ST8SIA6: variants seen among roughly 807,000 people sequenced by gnomAD.
ST8SIA6 encodes the protein alpha-2,8-sialyltransferase 8F.
In ST8SIA6, 39 loss-of-function variants were observed where a neutral mutation model predicts 33.6. That is an observed-to-expected ratio of 1.16 (90% CI 0.90 to 1.52). The LOEUF (loss-of-function observed/expected upper bound fraction) is 1.52, where lower values mean the gene tolerates loss of function less well. ST8SIA6 is among the 40% of genes most tolerant of loss of function. The probability of loss-of-function intolerance (pLI) is 0.00; values close to 1 mark genes in which losing one functional copy is unlikely to be tolerated. For synonymous variants in ST8SIA6, 172 were observed against 167.2 expected, an observed-to-expected ratio of 1.03 and a Z score of -0.22; for missense variants, 441 against 443.8, an observed-to-expected ratio of 0.99 and a Z score of 0.06.
At chr10:17,437,394 A>G (rs1426814659) in intron 2 of ST8SIA6, among the ~76,000 whole-genome samples, 1 of 152,076 alleles carries the variant, frequency 6.6e-6, no homozygotes, top group Non-Finnish European at 1.5e-5. Context: ...CTAGTCATGA[A>G]CTCCTGGCCT....
chr10:17,376,595 C>A (rs1588858174), intron 3 of ST8SIA6, among the ~76,000 whole-genome samples: 1 of 152,122 alleles, frequency 6.6e-6, no homozygotes, highest in South Asian at 2.1e-4. Context: ...AAAATCATTT[C>A]ATTTATCTGA....
rs993690776 is a variant in ST8SIA6 at position 17,319,386 on chromosome 10, C to G, written c.*1492G>C. 6.6e-6 allele frequency among the ~76,000 whole-genome samples: 1 copy of G among 152,236 alleles called. No homozygotes were observed. Among genetic ancestry groups the G allele is most frequent in the South Asian group, 2.1e-4 (1 of 4,816 alleles). ...TGTCTGTTTAGCCAAAGATTTTTGGCTAACGTGAATCTAGGTAGGATTGTT... is the reference window on the plus strand; with the variant it reads ...TGTCTGTTTAGCCAAAGATTTTTGGGTAACGTGAATCTAGGTAGGATTGTT... On this transcript the variant is annotated 3_prime_UTR_variant, in exon 8 of 8. Transcript: ENST00000377602.
At chr10:17,355,605 T>G (rs1283997628) in intron 4 of ST8SIA6, among the ~76,000 whole-genome samples, 1 of 152,194 alleles carries the variant, frequency 6.6e-6, no homozygotes, top group African/African-American at 2.4e-5. Context: ...CCCTACCTGC[T>G]CTGATTTTTC....
chr10:17,340,719 A>G (rs571587574), intron 4 of ST8SIA6, among the ~76,000 whole-genome samples: 3 of 152,350 alleles, frequency 2.0e-5, no homozygotes, highest in African/African-American at 7.2e-5. Flanking sequence ...AATGGGGGAA[A>G]TTAAAATGTT....
intron 4 of ST8SIA6, among the ~76,000 whole-genome samples, chr10:17,338,326 C>A (rs1021494031): frequency 1.3e-5 from 2 of 152,184 alleles, no homozygotes; most frequent in African/African-American, 4.8e-5. Flanking sequence ...AGCCACCGTG[C>A]CCGGCTGTTA....
chr10:17,347,087 C>T (rs1319991708), intron 4 of ST8SIA6, among the ~76,000 whole-genome samples: 4 of 152,266 alleles, frequency 2.6e-5, no homozygotes, highest in African/African-American at 2.4e-5. Context: ...ACATTATCAA[C>T]GGAAAGCGCC....
intron 2 of ST8SIA6, among the ~76,000 whole-genome samples, chr10:17,438,709 A>C (rs1237095053): frequency 6.6e-6 from 1 of 152,238 alleles, no homozygotes; most frequent in Non-Finnish European, 1.5e-5. Context: ...TGACTATTTA[A>C]GTAAAGACAC....
intron 3 of ST8SIA6, among the ~76,000 whole-genome samples, chr10:17,385,493 TA>T (rs1397291870): frequency 1.3e-5 from 2 of 151,066 alleles, no homozygotes; most frequent in Admixed American, 6.6e-5. Flanking sequence ...CAAAGGGAGA[TA>T]GGGGTGGGGG....
intron 3 of ST8SIA6, among the ~76,000 whole-genome samples, chr10:17,371,021 G>C (rs1003626762): frequency 3.9e-5 from 6 of 152,178 alleles, no homozygotes; most frequent in Admixed American, 2.0e-4. Flanking sequence ...AACCAAAGTA[G>C]GATTGGTGGG....
intron 6 of ST8SIA6, among the ~76,000 whole-genome samples, chr10:17,325,634 T>C (rs943121429): frequency 6.6e-6 from 1 of 152,026 alleles, no homozygotes; most frequent in African/African-American, 2.4e-5. Flanking sequence ...GTTTGTTTTC[T>C]GAACTGTCAA....
chr10:17,437,835 ATTC>A (rs1282241266), intron 2 of ST8SIA6, among the ~76,000 whole-genome samples: 1 of 151,396 alleles, frequency 6.6e-6, no homozygotes, highest in African/African-American at 2.4e-5. Context: ...GGTTCAGGCG[ATTC>A]TTCTGCCTCA....
chr10:17,414,844 T>A (rs139315122), intron 2 of ST8SIA6, among the ~76,000 whole-genome samples: 1 of 152,188 alleles, frequency 6.6e-6, no homozygotes, highest in African/African-American at 2.4e-5. Context: ...AACATGAATT[T>A]TGGGGAGACA....
intron 2 of ST8SIA6, among the ~76,000 whole-genome samples, chr10:17,442,620 T>C (rs1307038567): frequency 6.6e-6 from 1 of 152,196 alleles, no homozygotes; most frequent in African/African-American, 2.4e-5. Flanking sequence ...ATCTCCAAAT[T>C]ATTTATTTGA....
chr10:17,403,798 C>T (rs1015775379), intron 2 of ST8SIA6, among the ~76,000 whole-genome samples: 1 of 152,074 alleles, frequency 6.6e-6, no homozygotes, highest in Non-Finnish European at 1.5e-5. Flanking sequence ...CACGGTGGCT[C>T]ATGCCTGTAA....
At chr10:17,440,051 T>A (rs1248621208) in intron 2 of ST8SIA6, among the ~76,000 whole-genome samples, 1 of 152,146 alleles carries the variant, frequency 6.6e-6, no homozygotes, top group African/African-American at 2.4e-5. Context: ...TTACAGCAAT[T>A]TGAATGGGGT....
intron 3 of ST8SIA6, among the ~76,000 whole-genome samples, chr10:17,371,045 C>T (rs1849716426): frequency 6.6e-6 from 1 of 152,154 alleles, no homozygotes; most frequent in Non-Finnish European, 1.5e-5. Context: ...AGGAAGAAAT[C>T]AGCAGCTTCT....
chr10:17,399,104 G>C (rs1293135979), intron 2 of ST8SIA6: 4 of 152,122 alleles, frequency 2.6e-5, no homozygotes, highest in African/African-American at 4.8e-5. Flanking sequence ...ATTGTACTTA[G>C]GAACTGACAA....
chr10:17,417,255 T>G (rs968718700), intron 2 of ST8SIA6, among the ~76,000 whole-genome samples: 1 of 152,126 alleles, frequency 6.6e-6, no homozygotes, highest in African/African-American at 2.4e-5. Flanking sequence ...ATGAGGGATC[T>G]GCCCCCATGA....
intron 3 of ST8SIA6, among the ~76,000 whole-genome samples, chr10:17,374,722 A>G (rs938703868): frequency 2.3e-5 from 2 of 86,548 alleles, no homozygotes; most frequent in African/African-American, 8.0e-5. Flanking sequence ...TCAAAAATAA[A>G]TAAATAAATA....
Sources: gnomAD v4.1 joint callset for allele counts (sites outside exome capture counted in the v4.1 genomes callset) on GRCh38, gnomAD v4.1.1 for gene constraint, MANE v1.5 for transcripts, NCBI Gene and HGNC (gene_info 2026-07-23, HGNC 2026-07-21) for gene names.